ACSF3: variants seen among roughly 807,000 people sequenced by gnomAD.
The protein encoded by ACSF3 is malonate--CoA ligase ACSF3, mitochondrial.
ACSF3 carries 78 observed loss-of-function variants against 53.2 expected under a neutral mutation model. The ratio of observed to expected loss-of-function variants is 1.47; its 90% CI spans 1.22 to 1.77. ACSF3 has a LOEUF of 1.77. ACSF3 is among the 40% of genes most tolerant of loss of function. ACSF3 has a pLI of 0.00. For missense variants in ACSF3, 937 were observed against 771.1 expected (o/e 1.22, Z -2.55); for synonymous variants, 414 against 333.1 (o/e 1.24, Z -2.65).
chr16:89,146,237 G>C (rs1208834270), intron 10 of ACSF3, among the ~76,000 whole-genome samples, 188 bp downstream of exon 10: 1 of 152,182 alleles, frequency 6.6e-6, no homozygotes, highest in Non-Finnish European at 1.5e-5. Context: ...GGGGGCAGGA[G>C]CCGTGCTCAG....
chr16:89,145,541 C>G, intron 9 of ACSF3, 140 bp downstream of exon 9: 1 of 1,106,624 alleles, frequency 9.0e-7, no homozygotes, highest in Non-Finnish European at 1.3e-6. Flanking sequence ...CTGGTCCCTG[C>G]CCTGGCCAGG....
chr16:89,104,586 A>G (rs376866151), intron 4 of ACSF3, among the ~76,000 whole-genome samples: 1 of 152,174 alleles, frequency 6.6e-6, no homozygotes, highest in African/African-American at 2.4e-5. Flanking sequence ...GGTCCCTGCA[A>G]GCAGTCAGCC....
At chr16:89,097,431 A>C (rs11863384) in intron 1 of ACSF3, among the ~76,000 whole-genome samples, 108,642 of 151,658 alleles carry the variant, frequency 0.72, 39,557 homozygotes, top group Non-Finnish European at 0.79. Context: ...CCCTGCTCCG[A>C]GCACCCAAGG....
At position 89,128,730 on chromosome 16, in the gene ACSF3, C is replaced by G. The variant is rs73254071; in HGVS notation, c.1240-4406C>G. Among the ~76,000 whole-genome samples the G allele has an allele frequency of 7.9e-3, 1,203 of 152,272 alleles. 21 individuals are homozygous for G. The highest frequency in any genetic ancestry group is 0.028 in the African/African-American group (1,149 of 41,554). On this transcript the variant is annotated intron_variant, in intron 7 of 10. Transcript: ENST00000614302. Reference sequence around the variant, plus strand: ...ATTTCTAGTTTAAGTCCATTACAGTCAAAAGACGCACTTGGTATATTTCAA... The same window carrying G: ...ATTTCTAGTTTAAGTCCATTACAGTGAAAAGACGCACTTGGTATATTTCAA...
chr16:89,146,093 G>C (rs1328800082), intron 10 of ACSF3, 44 bp downstream of exon 10: 1 of 1,470,404 alleles, frequency 6.8e-7, no homozygotes, highest in Non-Finnish European at 9.5e-7. Context: ...TGGGGTCTTG[G>C]GGGTCCAGTC....
At chr16:89,111,874 G>A (rs1464909758) in intron 4 of ACSF3, among the ~76,000 whole-genome samples, 2 of 152,214 alleles carry the variant, frequency 1.3e-5, no homozygotes, top group Admixed American at 6.5e-5. Flanking sequence ...TTCTAGCTCT[G>A]TTCACGATTG....
At chr16:89,135,813 C>T (rs928468444) in intron 8 of ACSF3, among the ~76,000 whole-genome samples, 3 of 152,248 alleles carry the variant, frequency 2.0e-5, no homozygotes, top group Admixed American at 1.3e-4. Flanking sequence ...CTCGCTCTGT[C>T]GCCCAGTCTG....
intron 8 of ACSF3, among the ~76,000 whole-genome samples, chr16:89,134,194 A>T (rs1052644420): frequency 6.6e-6 from 1 of 152,134 alleles, no homozygotes; most frequent in African/African-American, 2.4e-5. Context: ...TGCTTCCAAG[A>T]TGGTGGCAAG....
At chr16:89,111,919 C>T (rs959037387) in intron 4 of ACSF3, among the ~76,000 whole-genome samples, 173 bp from the exon 5 acceptor site, 1 of 152,242 alleles carries the variant, frequency 6.6e-6, no homozygotes, top group African/African-American at 2.4e-5. Flanking sequence ...AGCTGTCCCG[C>T]GCAACATGGC....
At chr16:89,117,010 C>T (rs1905234936) in intron 6 of ACSF3, among the ~76,000 whole-genome samples, 1 of 152,152 alleles carries the variant, frequency 6.6e-6, no homozygotes, top group Admixed American at 6.5e-5. Flanking sequence ...TGGTTTTGTC[C>T]AGTGCCACCG....
chr16:89,130,530 T>C (rs1567724059), intron 7 of ACSF3, among the ~76,000 whole-genome samples: 1 of 152,172 alleles, frequency 6.6e-6, no homozygotes, highest in Non-Finnish European at 1.5e-5. Context: ...GCCGAGATCA[T>C]GCCATTGCAC....
rs772194969 is a variant in ACSF3, at chr16:89,098,710, G to T, written c.-74G>T. The T allele has an allele frequency of 6.6e-6, 3 of 454,148 alleles. No homozygotes were observed. The Admixed American group carries it at 7.0e-5, about 11-fold the overall frequency. 28.1% of individuals were successfully genotyped at this position (454,148 alleles called of 1,614,324 possible). Reference sequence around the variant, plus strand: ...ACCTGCTGAAGCAGCTGTGCCTGCCGCTCTTGTGAACTGCGAACTTCCCCT... The same window carrying T: ...ACCTGCTGAAGCAGCTGTGCCTGCCTCTCTTGTGAACTGCGAACTTCCCCT... On this transcript the variant is annotated 5_prime_UTR_variant, in exon 2 of 11. Transcript: ENST00000614302.
intron 8 of ACSF3, among the ~76,000 whole-genome samples, chr16:89,142,512 GAGACATACCCACACCTGC>G (rs942315434): frequency 1.2e-4 from 18 of 150,414 alleles, no homozygotes; most frequent in African/African-American, 3.2e-4. Flanking sequence ...CACGCCTGCA[GAGACATACCCACACCTGC>G]AGACACACCC....
chr16:89,149,596 T>C (rs1372069285), intron 10 of ACSF3: 1 of 152,264 alleles, frequency 6.6e-6, no homozygotes, highest in African/African-American at 2.4e-5. Context: ...AGAATGAGGT[T>C]ACACTGACAA....
At position 89,103,974 on chromosome 16, in the gene ACSF3, G is replaced by T. The variant is rs530592723; in HGVS notation, c.822+1215G>T. ...GGACCTGGGCTCGAGGCGGGACCCT[G>T]TGCACAGCATCGGGCCTCGCCTGTC... On this transcript the variant is annotated intron_variant, in intron 4 of 10. Coordinates refer to ENST00000614302, the MANE Select transcript of ACSF3 (RefSeq NM_001243279.3). 1.2e-4 allele frequency among the ~76,000 whole-genome samples: 18 copies of T among 152,362 alleles called. No homozygotes were observed. The South Asian group carries it at 3.7e-3, about 32-fold the overall frequency.
chr16:89,118,294 G>C (rs935697915), intron 6 of ACSF3, among the ~76,000 whole-genome samples: 1 of 150,040 alleles, frequency 6.7e-6, no homozygotes, highest in African/African-American at 2.4e-5. Context: ...TTTTATCCTT[G>C]CCTTTAAATC....
intron 8 of ACSF3, among the ~76,000 whole-genome samples, chr16:89,143,230 C>T (rs190816513): frequency 6.7e-6 from 1 of 149,038 alleles, no homozygotes; most frequent in East Asian, 1.9e-4. Context: ...CAGCCCCGTG[C>T]GTAGCTGTGG....
In ACSF3 at chr16:89,145,968, C is replaced by T; in HGVS notation, c.1532C>T (p.Thr511Ile). Residue 511 changes from threonine to isoleucine, a missense_variant, in exon 10 of 11, where the codon ACA becomes ATA. Physicochemically the swap from Thr to Ile is moderately conservative, Grantham distance 89. Transcript: ENST00000614302. The stretch of plus-strand genomic sequence containing the variant: ...GCTGTGATTGGAGTTCCGGATATGA[C>T]ATGGGGCCAGCGGGTCACTGCTGTG... ...DVAVIGVPDM[T>I]WGQRVTAVVT... 1 of 1,613,434 alleles carries T rather than the reference C, an allele frequency of 6.2e-7. No individual in the cohort carries two copies.
chr16:89,098,409 G>A (rs775789308), intron 1 of ACSF3, among the ~76,000 whole-genome samples, 182 bp from the exon 2 acceptor site: 1 of 152,242 alleles, frequency 6.6e-6, no homozygotes, highest in South Asian at 2.1e-4. Context: ...GAGGAGACTC[G>A]ACAGGGTCAT....
Sources: allele counts gnomAD v4.1 joint callset (sites outside exome capture counted in the v4.1 genomes callset), GRCh38; gene constraint gnomAD v4.1.1; transcripts MANE v1.5; gene names NCBI Gene and HGNC (gene_info 2026-07-23, HGNC 2026-07-21).